Variants in CNTLN observed in about 807,000 individuals in gnomAD.
CNTLN encodes centlein, also known as centlein, centrosomal protein.
In CNTLN, 212 loss-of-function variants were observed where a neutral mutation model predicts 180.0. The ratio of observed to expected loss-of-function variants is 1.18; its 90% confidence interval spans 1.05 to 1.32. The LOEUF (loss-of-function observed/expected upper bound fraction) is 1.32, where lower values mean the gene tolerates loss of function less well. Ranked by LOEUF, CNTLN falls within the 40% of genes most tolerant of loss-of-function variation. The probability of loss-of-function intolerance (pLI) is 0.00; values close to 1 mark genes in which losing one functional copy is unlikely to be tolerated. For synonymous variants in CNTLN, 722 were observed against 563.1 expected (o/e 1.28, Z -3.99); for missense variants, 2,095 against 1,610.9 (o/e 1.30, Z -5.14).
At chr9:17,207,742 C>T (rs777694734) in intron 2 of CNTLN, among the ~76,000 whole-genome samples, 49 of 152,066 alleles carry the variant, frequency 3.2e-4, no homozygotes, top group Non-Finnish European at 5.9e-4. Flanking sequence ...CCACCTTCTG[C>T]GTTGGTCTCG....
At chr9:17,302,656 A>G (rs2132842544) in intron 7 of CNTLN, among the ~76,000 whole-genome samples, 1 of 152,322 alleles carries the variant, frequency 6.6e-6, no homozygotes, top group Admixed American at 6.5e-5. Context: ...ATGATGTCCC[A>G]CTTTGGATAA....
chr9:17,512,912 G>C, the CNTLN span, among the ~76,000 whole-genome samples: 761 of 152,252 alleles, frequency 5.0e-3, 5 homozygotes, highest in African/African-American at 0.018. Context: ...CGCCTCCCGG[G>C]TTCACGCCAT....
At chr9:17,204,946 A>C (rs1822812517) in intron 2 of CNTLN, among the ~76,000 whole-genome samples, 1 of 152,204 alleles carries the variant, frequency 6.6e-6, no homozygotes, top group African/African-American at 2.4e-5. Flanking sequence ...GCTGTGGTGA[A>C]TTCCGTCCGG....
chr9:17,287,015 T>C (rs1224950624), intron 6 of CNTLN, among the ~76,000 whole-genome samples: 27 of 91,542 alleles, frequency 2.9e-4, no homozygotes, highest in African/African-American at 4.5e-4. Context: ...TCCTGCCTAA[T>C]TGCCCTGGCC....
chr9:17,497,126 G>A lies in CNTLN; in HGVS notation c.4120-5425G>A, dbSNP rs557050482. Among the ~76,000 whole-genome samples, 80 of 152,234 alleles carry A rather than the reference G, an allele frequency of 5.3e-4. 2 individuals are homozygous for A. The South Asian group carries it at 0.016, about 30-fold the overall frequency. On this transcript the variant is annotated intron_variant, in intron 25 of 25. Coordinates refer to ENST00000380647, the MANE Select transcript of CNTLN (RefSeq NM_017738.4). The stretch of plus-strand genomic sequence containing the variant: ...TTTTGTGCTGGTATCATTGCCCAAA[G>A]CATTATCTTAAAGGTGAAGGCACAG...
chr9:17,151,170 C>T (rs1474425460), intron 2 of CNTLN, among the ~76,000 whole-genome samples: 3 of 152,172 alleles, frequency 2.0e-5, no homozygotes, highest in East Asian at 1.9e-4. Context: ...CTGGCCAGAA[C>T]TTCCAATATT....
chr9:17,369,177 A>G (rs1348006245), intron 13 of CNTLN, among the ~76,000 whole-genome samples: 1 of 151,952 alleles, frequency 6.6e-6, no homozygotes, highest in East Asian at 1.9e-4. Flanking sequence ...ATGAAATCTG[A>G]TGGTTTTGTA....
At chr9:17,256,239 A>C (rs1826479734) in intron 5 of CNTLN, among the ~76,000 whole-genome samples, 1 of 151,848 alleles carries the variant, frequency 6.6e-6, no homozygotes, top group African/African-American at 2.4e-5. Flanking sequence ...TTTGGTAGAA[A>C]AATTTATTTT....
intron 10 of CNTLN, among the ~76,000 whole-genome samples, chr9:17,339,768 A>G (rs967565140): frequency 6.6e-6 from 1 of 152,222 alleles, no homozygotes; most frequent in Admixed American, 6.5e-5. Flanking sequence ...AGTCATGTGC[A>G]TATATCTTCT....
At chr9:17,419,129 G>GT (rs986029812) in intron 18 of CNTLN, among the ~76,000 whole-genome samples, 2 of 151,548 alleles carry the variant, frequency 1.3e-5, no homozygotes, top group African/African-American at 4.9e-5. Context: ...TTGTTTGTTT[G>GT]TTTTTTTTAC....
intron 6 of CNTLN, among the ~76,000 whole-genome samples, chr9:17,294,929 G>C (rs1434677548): frequency 3.1e-4 from 40 of 130,820 alleles, no homozygotes; most frequent in African/African-American, 1.1e-3. Context: ...GTGGGGGGAG[G>C]GCGGGGGAGG....
At chr9:17,203,131 A>T (rs1378465608) in intron 2 of CNTLN, among the ~76,000 whole-genome samples, 1 of 152,100 alleles carries the variant, frequency 6.6e-6, no homozygotes, top group Non-Finnish European at 1.5e-5. Flanking sequence ...TCTGGTTGAA[A>T]ATTATTTTCT....
chr9:17,358,062 T>G (rs1360006855), intron 12 of CNTLN, among the ~76,000 whole-genome samples: 1 of 152,008 alleles, frequency 6.6e-6, no homozygotes, highest in Non-Finnish European at 1.5e-5. Context: ...TTTTCCAATA[T>G]TTGTAGTTTT....
At position 17,487,141 on chromosome 9, in the gene CNTLN, A is replaced by T. The variant is rs7025690; in HGVS notation, c.4119+75A>T. The T allele has an allele frequency of 7.3e-3, 7,126 of 969,862 alleles. 343 individuals are homozygous for T. The African/African-American group carries it at 0.1, about 14-fold the overall frequency. The allele number at this position is 969,862 out of a possible 1,614,324, so 60.1% of individuals were successfully genotyped here. On this transcript the variant is annotated intron_variant, in intron 25 of 25. Transcript: ENST00000380647. The stretch of plus-strand genomic sequence containing the variant: ...AGCCTTACATTTTCACCAGATGTCT[A>T]ACTTTTTGTAAACACTTCCCCATTG...
downstream of CNTLN, among the ~76,000 whole-genome samples, chr9:17,507,215 C>A (rs367790538): frequency 1.3e-5 from 2 of 152,142 alleles, no homozygotes; most frequent in African/African-American, 4.8e-5. Flanking sequence ...ATGTTTATCT[C>A]CCACTTTTAA....
At chr9:17,523,804 C>A in the CNTLN span, among the ~76,000 whole-genome samples, 1 of 152,114 alleles carries the variant, frequency 6.6e-6, no homozygotes, top group African/African-American at 2.4e-5. Flanking sequence ...AAGAGGGACC[C>A]CGTAAAGAAG....
intron 2 of CNTLN, 68 bp from the exon 3 acceptor site, chr9:17,226,135 T>A: frequency 2.7e-6 from 2 of 737,868 alleles, no homozygotes; most frequent in Admixed American, 6.5e-5. Flanking sequence ...TATTAATATT[T>A]GGGATATGAA....
intron 5 of CNTLN, 141 bp from the exon 6 acceptor site, chr9:17,273,592 T>C (rs1331921464): frequency 8.7e-6 from 4 of 458,710 alleles, no homozygotes; most frequent in African/African-American, 2.0e-5. Flanking sequence ...AGTTATTGTT[T>C]GTGTTAAAAT....
At chr9:17,506,149 G>T (rs144446118), downstream of CNTLN, among the ~76,000 whole-genome samples, 606 of 151,776 alleles carry the variant, frequency 4.0e-3, 5 homozygotes, top group African/African-American at 0.014. Flanking sequence ...ATCAAAATGG[G>T]TCAACATTTA....
Sources: allele counts gnomAD v4.1 joint callset (sites outside exome capture counted in the v4.1 genomes callset), GRCh38; gene constraint gnomAD v4.1.1; transcripts MANE v1.5; gene names NCBI Gene and HGNC (gene_info 2026-07-23, HGNC 2026-07-21).